TNFAIP8: variants seen among roughly 807,000 people sequenced by gnomAD.
The protein encoded by TNFAIP8 is tumor necrosis factor alpha-induced protein 8.
Under a neutral mutation model 13.3 loss-of-function variants are expected in TNFAIP8, and 7 were observed. The observed-to-expected ratio is 0.52, with a 90% CI of 0.30 to 0.99. The LOEUF (loss-of-function observed/expected upper bound fraction) is 0.99, where lower values mean the gene tolerates loss of function less well. Among genes scored for constraint, TNFAIP8 ranks in the 50% least tolerant of loss-of-function variants. TNFAIP8 has a pLI of 0.07. For synonymous variants in TNFAIP8, 94 were observed against 87.6 expected (o/e 1.07, Z -0.41); for missense variants, 258 against 236.9 (o/e 1.09, Z -0.58).
chr5:119,273,341 TAG>T, intron 1 of TNFAIP8, among the ~76,000 whole-genome samples: 1 of 151,990 alleles, frequency 6.6e-6, no homozygotes, highest in Middle Eastern at 3.4e-3. Context: ...CACAGTGGAG[TAG>T]AGAGGGAAAG....
intron 1 of TNFAIP8, among the ~76,000 whole-genome samples, chr5:119,298,231 G>A (rs1302361271): frequency 6.6e-6 from 1 of 151,740 alleles, no homozygotes; most frequent in Non-Finnish European, 1.5e-5. Flanking sequence ...GCATGATTTT[G>A]CAGTGGCTGG....
intron 1 of TNFAIP8, among the ~76,000 whole-genome samples, chr5:119,362,370 G>A (rs1218530476): frequency 1.3e-5 from 2 of 152,176 alleles, no homozygotes; most frequent in African/African-American, 4.8e-5. Flanking sequence ...ACTTTCCCAG[G>A]GGGACATTGT....
At chr5:119,299,372 C>T (rs1164015257) in intron 1 of TNFAIP8, among the ~76,000 whole-genome samples, 1 of 152,192 alleles carries the variant, frequency 6.6e-6, no homozygotes, top group Non-Finnish European at 1.5e-5. Context: ...TAGAGGTCCA[C>T]TCCAGACCCA....
intron 1 of TNFAIP8, among the ~76,000 whole-genome samples, chr5:119,348,251 C>T (rs114908495): frequency 0.016 from 2,425 of 152,290 alleles, 32 homozygotes; most frequent in Middle Eastern, 0.02. Flanking sequence ...CTGTCTCACA[C>T]TGAATTCAGC....
chr5:119,291,490 T>A (rs2150810981), intron 1 of TNFAIP8, among the ~76,000 whole-genome samples: 1 of 152,360 alleles, frequency 6.6e-6, no homozygotes, highest in African/African-American at 2.4e-5. Flanking sequence ...TTTTAGGAAA[T>A]TTGGAATAAT....
intron 1 of TNFAIP8, among the ~76,000 whole-genome samples, chr5:119,336,749 C>G (rs1308456717): frequency 6.6e-6 from 1 of 152,098 alleles, no homozygotes; most frequent in Non-Finnish European, 1.5e-5. Flanking sequence ...TTTGATCACC[C>G]CATTCTCAGT....
At chr5:119,357,443 A>T (rs1251186903) in intron 1 of TNFAIP8, among the ~76,000 whole-genome samples, 1 of 152,150 alleles carries the variant, frequency 6.6e-6, no homozygotes, top group Non-Finnish European at 1.5e-5. Flanking sequence ...AACCAGGCTG[A>T]GAGAACTCAA....
At chr5:119,274,332 CTT>C (rs993822737) in intron 1 of TNFAIP8, among the ~76,000 whole-genome samples, 3 of 152,232 alleles carry the variant, frequency 2.0e-5, no homozygotes, top group South Asian at 2.1e-4. Flanking sequence ...GGAAACTACT[CTT>C]TTATTTTTCC....
At chr5:119,389,812 C>T (rs918178889) in intron 1 of TNFAIP8, among the ~76,000 whole-genome samples, 7 of 152,052 alleles carry the variant, frequency 4.6e-5, no homozygotes, top group African/African-American at 1.7e-4. Flanking sequence ...GTTTCTGGAG[C>T]GGGGTTTGAA....
At chr5:119,276,480 G>A (rs911675823) in intron 1 of TNFAIP8, among the ~76,000 whole-genome samples, 12 of 152,108 alleles carry the variant, frequency 7.9e-5, no homozygotes, top group Admixed American at 7.9e-4. Context: ...AAGTGTATTA[G>A]TTTTTAAGGG....
chr5:119,371,563 G>T (rs1429657296), intron 1 of TNFAIP8, among the ~76,000 whole-genome samples: 3 of 152,072 alleles, frequency 2.0e-5, no homozygotes, highest in East Asian at 3.9e-4. Context: ...TCCAGTTAGG[G>T]TAGATTTAAT....
intron 1 of TNFAIP8, among the ~76,000 whole-genome samples, chr5:119,330,004 C>A (rs1750324770): frequency 1.3e-5 from 2 of 152,090 alleles, no homozygotes; most frequent in African/African-American, 4.8e-5. Context: ...TTCCTCCCTG[C>A]TTCACCAATG....
chr5:119,296,465 A>G (rs1951779046), intron 1 of TNFAIP8, among the ~76,000 whole-genome samples: 1 of 151,868 alleles, frequency 6.6e-6, no homozygotes, highest in Admixed American at 6.6e-5. Context: ...CTTTCATCCC[A>G]GGGATGAAGC....
At chr5:119,334,451 A>T (rs1750483970) in intron 1 of TNFAIP8, among the ~76,000 whole-genome samples, 1 of 151,970 alleles carries the variant, frequency 6.6e-6, no homozygotes, top group Non-Finnish European at 1.5e-5. Context: ...TGGAAGACAT[A>T]GGTGGGTGTT....
rs1752946196 is a variant in TNFAIP8 at position 119,392,821 on chromosome 5, A to T, written c.37A>T (p.Thr13Ser). The T allele has an allele frequency of 6.5e-7, 1 of 1,532,896 alleles. No individual in the cohort carries two copies. The highest frequency in any genetic ancestry group is 8.8e-7 in the Non-Finnish European group (1 of 1,139,464). The allele number at this position is 1,532,896 out of a possible 1,614,324, so 95.0% of individuals were successfully genotyped here. A position where few individuals can be genotyped will look rare whatever the true frequency, so the allele number is the denominator to read the frequency against. Reference sequence around the variant, plus strand: ...CTCTCTTTTTTTTTTTTTAGTGGCCACAGATGTCTTTAATTCCAAAAACCT... The same window carrying T: ...CTCTCTTTTTTTTTTTTTAGTGGCCTCAGATGTCTTTAATTCCAAAAACCT... ...SEAEESKEVA[T>S]DVFNSKNLAV... Residue 13 changes from threonine to serine, a missense_variant, in exon 2 of 2, where the codon ACA (threonine) becomes TCA (serine). Thr to Ser is a moderately conservative substitution (Grantham distance 58). Coordinates refer to ENST00000504771, the MANE Select transcript of TNFAIP8 (RefSeq NM_014350.4).
intron 1 of TNFAIP8, among the ~76,000 whole-genome samples, chr5:119,387,645 A>C (rs1219062180): frequency 6.6e-6 from 1 of 152,178 alleles, no homozygotes; most frequent in East Asian, 1.9e-4. Flanking sequence ...TTTTTCTTGA[A>C]TATTTGGGTC....
chr5:119,300,492 G>C (rs1024849139), intron 1 of TNFAIP8, among the ~76,000 whole-genome samples: 4 of 152,150 alleles, frequency 2.6e-5, no homozygotes, highest in African/African-American at 9.7e-5. Context: ...GCATGTCCTT[G>C]CAACTTAGAA....
intron 1 of TNFAIP8, among the ~76,000 whole-genome samples, chr5:119,344,315 C>T (rs1354033925): frequency 6.6e-6 from 1 of 152,112 alleles, no homozygotes. Flanking sequence ...TTTAAAGAAC[C>T]AGCTCTCGCA....
intron 1 of TNFAIP8, among the ~76,000 whole-genome samples, chr5:119,334,156 G>A (rs1895202): frequency 0.63 from 92,184 of 146,858 alleles, 29,261 homozygotes; most frequent in African/African-American, 0.7. Flanking sequence ...AAAAAAAAAC[G>A]GTTTACCTTA....
Sources: gnomAD v4.1 joint callset for allele counts (sites outside exome capture counted in the v4.1 genomes callset) on GRCh38, gnomAD v4.1.1 for gene constraint, MANE v1.5 for transcripts, NCBI Gene and HGNC (gene_info 2026-07-23, HGNC 2026-07-21) for gene names.